ANKFN1: variants seen among roughly 807,000 people sequenced by gnomAD.
ANKFN1 encodes the protein ankyrin repeat and fibronectin type III domain containing 1.
ANKFN1 carries 74 observed loss-of-function variants against 108.7 expected under a neutral mutation model. That is an observed-to-expected ratio of 0.68 (90% CI 0.56 to 0.83). The LOEUF (loss-of-function observed/expected upper bound fraction) is 0.83, where lower values mean the gene tolerates loss of function less well. ANKFN1 is among the 40% of genes least tolerant of loss of function. ANKFN1 has a pLI of 0.00. For synonymous variants in ANKFN1, 547 were observed against 516.2 expected (o/e 1.06, Z -0.81); for missense variants, 1,505 against 1,382.3 (o/e 1.09, Z -1.41).
chr17:56,373,305 C>T (rs575284788), intron 7 of ANKFN1, among the ~76,000 whole-genome samples: 24 of 152,140 alleles, frequency 1.6e-4, no homozygotes, highest in Non-Finnish European at 2.9e-4. Context: ...CACAGGCAAC[C>T]GAAAAGAACA....
chr17:56,346,568 A>G (rs1423391622), intron 4 of ANKFN1, among the ~76,000 whole-genome samples: 1 of 151,884 alleles, frequency 6.6e-6, no homozygotes, highest in East Asian at 1.9e-4. Flanking sequence ...TACTAAATTT[A>G]GCCATTTTTC....
chr17:56,110,940 AT>A (rs1471827915), intron 4 of ANKFN1: 1 of 152,296 alleles, frequency 6.6e-6, no homozygotes, highest in Non-Finnish European at 1.5e-5. Context: ...GTTGGGAACC[AT>A]GGTGAAAAGT....
chr17:56,061,118 A>G (rs1038239421), intron 4 of ANKFN1, among the ~76,000 whole-genome samples: 1 of 151,972 alleles, frequency 6.6e-6, no homozygotes, highest in Admixed American at 6.6e-5. Flanking sequence ...ATAACTTGTT[A>G]TTGGTCTATT....
At chr17:56,224,264 A>G (rs528376404) in intron 2 of ANKFN1, among the ~76,000 whole-genome samples, 96 of 152,334 alleles carry the variant, frequency 6.3e-4, no homozygotes, top group African/African-American at 2.3e-3. Flanking sequence ...TTTCACAGGT[A>G]ATTTACGTGG....
chr17:56,377,052 A>C (rs2046965774), intron 8 of ANKFN1, among the ~76,000 whole-genome samples: 2 of 152,244 alleles, frequency 1.3e-5, no homozygotes, highest in Non-Finnish European at 1.5e-5. Context: ...CTACAGAATG[A>C]AATGGCAATT....
At chr17:56,273,468 T>C (rs1219582832) in intron 3 of ANKFN1, among the ~76,000 whole-genome samples, 1 of 152,162 alleles carries the variant, frequency 6.6e-6, no homozygotes, top group Non-Finnish European at 1.5e-5. Flanking sequence ...AATTTCTAAG[T>C]TAAAAACAAT....
intron 5 of ANKFN1, among the ~76,000 whole-genome samples, chr17:56,352,850 C>A (rs560449912): frequency 2.4e-4 from 37 of 152,180 alleles, no homozygotes; most frequent in African/African-American, 7.9e-4. Flanking sequence ...GAAGATTATT[C>A]TTGTATCAGT....
chr17:56,407,299 T>G (rs890513933), intron 8 of ANKFN1, among the ~76,000 whole-genome samples: 1 of 152,158 alleles, frequency 6.6e-6, no homozygotes, highest in Admixed American at 6.5e-5. Flanking sequence ...CTAGGAAATA[T>G]TTACTGAGCT....
At chr17:56,245,409 C>T (rs1044798698) in intron 3 of ANKFN1, among the ~76,000 whole-genome samples, 6 of 152,096 alleles carry the variant, frequency 3.9e-5, no homozygotes, top group Non-Finnish European at 8.8e-5. Context: ...GTGATCCTTC[C>T]TGCCACACTT....
rs2051923346 is a variant in ANKFN1, at chr17:56,516,591, A to G, written c.*5322A>G. 6.6e-6 allele frequency among the ~76,000 whole-genome samples: 1 copy of G among 152,176 alleles called. No individual in the cohort carries two copies. The highest frequency in any genetic ancestry group is 6.5e-5 in the Admixed American group (1 of 15,276). On this transcript the variant is annotated 3_prime_UTR_variant, in exon 21 of 21. Coordinates refer to ENST00000682825, the MANE Select transcript of ANKFN1 (RefSeq NM_001370326.1). ...GAAACAATAATTTTTTTGTATGTAC[A>G]TTTGAAAACTATTTGAACAATCTAA... is the stretch of plus-strand genomic sequence containing the variant.
At chr17:56,191,709 G>A (rs1245640068) in intron 1 of ANKFN1, among the ~76,000 whole-genome samples, 11 of 144,452 alleles carry the variant, frequency 7.6e-5, no homozygotes, top group African/African-American at 1.0e-4. Context: ...TGCTCTTCTC[G>A]AGGAGCATCT....
chr17:56,265,590 C>T (rs2043628234), intron 3 of ANKFN1, among the ~76,000 whole-genome samples: 1 of 152,144 alleles, frequency 6.6e-6, no homozygotes, highest in Admixed American at 6.5e-5. Flanking sequence ...AGGACTTTCA[C>T]AGCATGGAAG....
intron 4 of ANKFN1, among the ~76,000 whole-genome samples, chr17:56,095,408 C>T (rs1905514733): frequency 6.6e-6 from 1 of 150,868 alleles, no homozygotes. Context: ...CCTCCTACCT[C>T]AGCCTCTCAA....
intron 4 of ANKFN1, among the ~76,000 whole-genome samples, chr17:56,144,046 T>C (rs1908085787): frequency 1.3e-5 from 2 of 151,856 alleles, no homozygotes; most frequent in African/African-American, 4.8e-5. Context: ...GTCTGGATTT[T>C]TATCCTTATC....
At chr17:56,500,202 T>C (rs73991556) in intron 20 of ANKFN1, among the ~76,000 whole-genome samples, 17,871 of 152,196 alleles carry the variant, frequency 0.12, 1,112 homozygotes, top group African/African-American at 0.17. Flanking sequence ...TAATAGACAA[T>C]ATATTGTCAA....
At chr17:56,104,815 T>G (rs1353648152) in intron 4 of ANKFN1, among the ~76,000 whole-genome samples, 1 of 152,150 alleles carries the variant, frequency 6.6e-6, no homozygotes, top group Non-Finnish European at 1.5e-5. Flanking sequence ...TGTAAATCTT[T>G]GCACAATGGT....
intron 4 of ANKFN1, among the ~76,000 whole-genome samples, chr17:56,130,058 G>C (rs1390916399): frequency 6.6e-6 from 1 of 152,230 alleles, no homozygotes; most frequent in Non-Finnish European, 1.5e-5. Context: ...GGGCCGCTCA[G>C]ACAGTTGGTG....
intron 4 of ANKFN1, among the ~76,000 whole-genome samples, chr17:56,340,190 G>C (rs115988294): frequency 0.014 from 2,118 of 152,096 alleles, 52 homozygotes; most frequent in African/African-American, 0.048. Context: ...GTTCCTTGTA[G>C]ATGCTGGGTA....
chr17:56,075,248 G>T (rs530434669), intron 4 of ANKFN1, among the ~76,000 whole-genome samples: 1 of 152,126 alleles, frequency 6.6e-6, no homozygotes, highest in East Asian at 1.9e-4. Context: ...AGGTCATTTA[G>T]CCCCTAGCTT....
Sources: gnomAD v4.1 joint callset for allele counts (sites outside exome capture counted in the v4.1 genomes callset) on GRCh38, gnomAD v4.1.1 for gene constraint, MANE v1.5 for transcripts, NCBI Gene and HGNC (gene_info 2026-07-23, HGNC 2026-07-21) for gene names.